The following PCCB variants were observed in gnomAD, a reference collection of about 807,000 sequenced individuals.
PCCB encodes propionyl-CoA carboxylase beta chain, mitochondrial.
In PCCB, 43 loss-of-function variants were observed where a neutral mutation model predicts 60.7. That is an observed-to-expected ratio of 0.71 (90% CI 0.55 to 0.91). PCCB has a LOEUF of 0.91. PCCB is among the 40% of genes least tolerant of loss of function. The pLI is 0.00. For missense variants in PCCB, 766 were observed against 702.8 expected, an observed-to-expected ratio of 1.09 and a Z score of -1.02; for synonymous variants, 276 against 255.9, an observed-to-expected ratio of 1.08 and a Z score of -0.75.
At chr3:136,326,016 G>C (rs1935293044) in intron 10 of PCCB, among the ~76,000 whole-genome samples, 2 of 151,806 alleles carry the variant, frequency 1.3e-5, no homozygotes, top group South Asian at 4.2e-4. Flanking sequence ...GTTTCACCTT[G>C]TCAGCCAGGA....
chr3:136,284,840 C>G (rs559857589), intron 6 of PCCB, among the ~76,000 whole-genome samples: 84 of 152,228 alleles, frequency 5.5e-4, no homozygotes, highest in Non-Finnish European at 1.0e-3. Context: ...GTAATCCCAG[C>G]ACTTGGGAGG....
intron 1 of PCCB, among the ~76,000 whole-genome samples, chr3:136,253,349 A>G (rs968621957): frequency 2.0e-5 from 3 of 151,258 alleles, no homozygotes; most frequent in African/African-American, 7.3e-5. Flanking sequence ...TCGGCCTCCC[A>G]AAGTGTTGGG....
intron 1 of PCCB, among the ~76,000 whole-genome samples, chr3:136,253,015 G>T (rs141483983): frequency 0.012 from 1,732 of 150,230 alleles, 34 homozygotes; most frequent in East Asian, 0.046. Flanking sequence ...TTTCGGGGAG[G>T]GGGGGATAGG....
rs1390751225 is a variant in PCCB, at chr3:136,254,545, TTTTA to T, written c.184-1310_184-1307del. 3.4e-3 allele frequency among the ~76,000 whole-genome samples: 479 copies of T among 141,000 alleles called. 7 individuals are homozygous for T. Among genetic ancestry groups the T allele is most frequent in the African/African-American group, 0.012 (459 of 36,856 alleles). 92.5% of individuals were successfully genotyped at this position (141,000 alleles called of 152,430 possible). ...TTTTTTTTTTTTTTTTTTTTTTTTTTTTTAAAAGACAGGTTCTCGCTTTGTTGCT... is the reference window on the plus strand; with the variant it reads ...TTTTTTTTTTTTTTTTTTTTTTTTTTAAAGACAGGTTCTCGCTTTGTTGCT... On this transcript the variant is annotated intron_variant, in intron 1 of 14. Coordinates refer to ENST00000251654, the MANE Select transcript of PCCB (RefSeq NM_000532.5).
intron 10 of PCCB, among the ~76,000 whole-genome samples, chr3:136,325,939 A>G (rs923190365): frequency 6.6e-6 from 1 of 151,660 alleles, no homozygotes; most frequent in Non-Finnish European, 1.5e-5. Flanking sequence ...TCAGCCTCCC[A>G]AGTAGCTGGG....
chr3:136,262,571 C>G (rs934834613), intron 5 of PCCB, among the ~76,000 whole-genome samples: 4 of 151,988 alleles, frequency 2.6e-5, no homozygotes, highest in East Asian at 1.9e-4. Context: ...TATTTACAGA[C>G]TGAAATTATG....
intron 1 of PCCB, among the ~76,000 whole-genome samples, chr3:136,254,878 C>CTT (rs113195311): frequency 3.6e-5 from 5 of 139,742 alleles, no homozygotes; most frequent in African/African-American, 7.9e-5. Flanking sequence ...CTCAAAGAAG[C>CTT]TTTTTTTTTT....
chr3:136,327,403 C>G, intron 12 of PCCB, 148 bp downstream of exon 12: 1 of 756,314 alleles, frequency 1.3e-6, no homozygotes, highest in Non-Finnish European at 2.3e-6. Flanking sequence ...TTCCCAGCCC[C>G]GCAGAAATGT....
At chr3:136,261,034 T>C (rs1941807393) in intron 4 of PCCB, among the ~76,000 whole-genome samples, 1 of 152,202 alleles carries the variant, frequency 6.6e-6, no homozygotes, top group Non-Finnish European at 1.5e-5. Context: ...AACGATCAGC[T>C]AGCGTTAGTA....
At chr3:136,279,308 A>G (rs1942412244) in intron 5 of PCCB, among the ~76,000 whole-genome samples, 1 of 152,058 alleles carries the variant, frequency 6.6e-6, no homozygotes, top group Non-Finnish European at 1.5e-5. Context: ...AAAAAGAAGG[A>G]TTTACTTCTG....
At chr3:136,251,656 G>C (rs1474792244) in intron 1 of PCCB, among the ~76,000 whole-genome samples, 2 of 152,116 alleles carry the variant, frequency 1.3e-5, no homozygotes, top group Non-Finnish European at 2.9e-5. Context: ...AACCTACTCT[G>C]TTAGGGCTGA....
chr3:136,300,907 C>T (rs1458408275), intron 8 of PCCB, 123 bp from the exon 9 acceptor site: 1 of 739,294 alleles, frequency 1.4e-6, no homozygotes, highest in Non-Finnish European at 2.5e-6. Flanking sequence ...TTTGTAAGCC[C>T]AGCAGGGACA....
intron 5 of PCCB, among the ~76,000 whole-genome samples, chr3:136,268,084 G>GTATATATATATATA (rs1296672355): frequency 1.3e-4 from 8 of 60,946 alleles, no homozygotes; most frequent in African/African-American, 2.3e-4. Context: ...GTGTGTGTGT[G>GTATATATATATATA]TAGATATATA....
At chr3:136,298,839 T>G (rs1247278268) in intron 8 of PCCB, among the ~76,000 whole-genome samples, 1 of 152,222 alleles carries the variant, frequency 6.6e-6, no homozygotes, top group Non-Finnish European at 1.5e-5. Context: ...TTGTATTGTT[T>G]GGGAAGAGGT....
intron 10 of PCCB, among the ~76,000 whole-genome samples, chr3:136,323,233 T>C (rs1459494038): frequency 6.6e-6 from 1 of 152,208 alleles, no homozygotes; most frequent in Non-Finnish European, 1.5e-5. Flanking sequence ...CCTGTGTATG[T>C]TGGTTCACAT....
chr3:136,315,896 A>C (rs1934871790), intron 9 of PCCB, among the ~76,000 whole-genome samples: 1 of 147,854 alleles, frequency 6.8e-6, no homozygotes, highest in African/African-American at 2.6e-5. Context: ...TATAAAAAAG[A>C]ATGTTCTTAT....
At chr3:136,256,216 T>C (rs978003835) in intron 2 of PCCB, 3 of 588,758 alleles carry the variant, frequency 5.1e-6, no homozygotes, top group Non-Finnish European at 8.9e-6. Flanking sequence ...GTGTTGGGAC[T>C]ACAGGCGTGA....
chr3:136,326,047 C>T (rs1345526718), intron 10 of PCCB, among the ~76,000 whole-genome samples: 3 of 151,542 alleles, frequency 2.0e-5, no homozygotes, highest in Admixed American at 1.3e-4. Flanking sequence ...CTCTTGACCT[C>T]GTGATCTGCC....
rs531972925 is a variant in PCCB, at chr3:136,255,495, C to T, written c.184-361C>T. Reference sequence around the variant, plus strand: ...ACTAAGCCTGCTTTAGTTTCCACCACCTGCTTCTGCATTCTTTTTATGGCT... The same window carrying T: ...ACTAAGCCTGCTTTAGTTTCCACCATCTGCTTCTGCATTCTTTTTATGGCT... On this transcript the variant is annotated intron_variant, in intron 1 of 14. Coordinates refer to ENST00000251654, the MANE Select transcript of PCCB (RefSeq NM_000532.5). 1.3e-4 allele frequency: 40 copies of T among 317,058 alleles called. No homozygotes were observed. The East Asian group carries it at 3.1e-3, about 25-fold the overall frequency. 19.6% of individuals were successfully genotyped at this position (317,058 alleles called of 1,614,324 possible). A position where few individuals can be genotyped will look rare whatever the true frequency, so the allele number is the denominator to read the frequency against.
Sources: allele counts gnomAD v4.1 joint callset (sites outside exome capture counted in the v4.1 genomes callset), GRCh38; gene constraint gnomAD v4.1.1; transcripts MANE v1.5; gene names NCBI Gene and HGNC (gene_info 2026-07-23, HGNC 2026-07-21).